NOTCH3: variants seen among roughly 807,000 people sequenced by gnomAD.
NOTCH3 encodes notch receptor 3.
In NOTCH3, 86 loss-of-function variants were observed where a neutral mutation model predicts 213.3. The ratio of observed to expected loss-of-function variants is 0.40; its 90% CI spans 0.34 to 0.48. NOTCH3 has a LOEUF of 0.48. Among genes scored for constraint, NOTCH3 ranks in the 20% least tolerant of loss-of-function variants. The probability of loss-of-function intolerance (pLI) is 0.57; values close to 1 mark genes in which losing one functional copy is unlikely to be tolerated. For synonymous variants in NOTCH3, 1,354 were observed against 1,355.9 expected (o/e 1.00, Z 0.03); for missense variants, 2,783 against 3,272.6 (o/e 0.85, Z 3.65).
chr19:15,188,025 C>CA (rs1568360000), intron 9 of NOTCH3, 31 bp from the exon 10 acceptor site: 1 of 1,515,454 alleles, frequency 6.6e-7, no homozygotes. Flanking sequence ...AGCAGAGGCC[C>CA]AGAAAGGGTG....
At chr19:15,170,271 C>A in intron 27 of NOTCH3, 60 bp downstream of exon 27, 1 of 1,550,494 alleles carries the variant, frequency 6.4e-7, no homozygotes, top group Non-Finnish European at 8.9e-7. Flanking sequence ...CAGGTCAAGG[C>A]GGGGTCCAGG....
intron 2 of NOTCH3, among the ~76,000 whole-genome samples, chr19:15,197,013 T>C (rs1176098597): frequency 1.3e-5 from 2 of 152,210 alleles, no homozygotes; most frequent in Non-Finnish European, 2.9e-5. Context: ...GGAAAGTGAC[T>C]AGCCCAAAGT....
Position 15,187,054 on chromosome 19 carries a change from C to A in NOTCH3, c.1840+51G>T, listed in dbSNP as rs776906070. 18 of 1,605,616 alleles carry A rather than the reference C, an allele frequency of 1.1e-5. No individual in the cohort carries two copies. The South Asian group carries it at 1.8e-4, about 16-fold the overall frequency. ...CCCCACTAGATGCACCATTCCCAAACCCTCTGTGCCCCTCCAGGTGTGCTG... is the reference window on the plus strand; with the variant it reads ...CCCCACTAGATGCACCATTCCCAAAACCTCTGTGCCCCTCCAGGTGTGCTG... On this transcript the variant is annotated intron_variant, in intron 11 of 32. Coordinates refer to ENST00000263388, the MANE Select transcript of NOTCH3 (RefSeq NM_000435.3).
chr19:15,166,759 G>C, intron 29 of NOTCH3, among the ~76,000 whole-genome samples: 1 of 152,254 alleles, frequency 6.6e-6, no homozygotes, highest in South Asian at 2.1e-4. Flanking sequence ...ACTTGCATCC[G>C]GTTCTCCATT....
chr19:15,180,982 G>GCGGGCA lies in NOTCH3; in HGVS notation c.2972_2973insTGCCCG (p.Ser991_Phe992insAlaArg). On this transcript the variant is annotated inframe_insertion, in exon 18 of 33. Coordinates refer to ENST00000263388, the MANE Select transcript of NOTCH3 (RefSeq NM_000435.3). The stretch of plus-strand genomic sequence containing the variant: ...CCACCTGGCACTGCGGGCCCGTGAA[G>GCGGGCA]CTCTCGAGGCAGGTGCAGCGGAAGC... 6.3e-7 allele frequency: 1 copy of GCGGGCA among 1,596,182 alleles called. No individual in the cohort carries two copies. The highest frequency in any genetic ancestry group is 8.5e-7 in the Non-Finnish European group (1 of 1,172,312).
intron 2 of NOTCH3, among the ~76,000 whole-genome samples, chr19:15,195,203 T>G (rs1007090692): frequency 6.6e-6 from 1 of 152,026 alleles, no homozygotes; most frequent in African/African-American, 2.4e-5. Flanking sequence ...TCTCTGGGAC[T>G]TATATAGCCT....
chr19:15,195,785 C>G (rs958116346), intron 2 of NOTCH3, among the ~76,000 whole-genome samples: 1 of 151,490 alleles, frequency 6.6e-6, no homozygotes, highest in Non-Finnish European at 1.5e-5. Context: ...GGGCGCGACC[C>G]GCGCGGGCCC....
chr19:15,190,976 C>T (rs1388569051), intron 6 of NOTCH3, among the ~76,000 whole-genome samples: 1 of 152,126 alleles, frequency 6.6e-6, no homozygotes, highest in Non-Finnish European at 1.5e-5. Flanking sequence ...CCATCTTGGC[C>T]TCCCAAAGTG....
chr19:15,169,760 G>A (rs977482639), intron 28 of NOTCH3, among the ~76,000 whole-genome samples: 5 of 152,128 alleles, frequency 3.3e-5, no homozygotes, highest in African/African-American at 4.8e-5. Flanking sequence ...AGGCAGACTC[G>A]CTCTCTGGGC....
chr19:15,161,492 G>A lies in NOTCH3; in HGVS notation c.6136C>T (p.Pro2046Ser), dbSNP rs1354320725. The A allele has an allele frequency of 5.7e-6, 9 of 1,586,100 alleles. No individual in the cohort carries two copies. The highest frequency in any genetic ancestry group is 7.7e-6 in the Non-Finnish European group (9 of 1,166,370). ...PHGLGPLLCP[P>S]GAFLPGLKAA... ...TTGAGGCCAGGGAGGAAGGCCCCTG[G>A]AGGACAGAGCAGAGGCCCCAGGCCG... The change falls in exon 33 of 33, where the codon CCA becomes TCA. Residue 2046 changes from proline (P) to serine (S), a missense_variant. Transcript: ENST00000263388.
intron 20 of NOTCH3, chr19:15,179,768 G>T (rs1265748916): frequency 1.4e-5 from 8 of 587,384 alleles, no homozygotes. Flanking sequence ...TGTACTCCCA[G>T]CTATAATGAG....
chr19:15,193,783 AAAAC>A (rs1568362654), intron 2 of NOTCH3, among the ~76,000 whole-genome samples: 3 of 136,928 alleles, frequency 2.2e-5, no homozygotes, highest in African/African-American at 5.3e-5. Flanking sequence ...AAAAAAACAA[AAAAC>A]AAAAAAAACA....
Position 15,185,139 on chromosome 19 carries a change from A to C in NOTCH3, c.2296+118T>G. The C allele has an allele frequency of 1.5e-6, 2 of 1,314,150 alleles. No homozygotes were observed. The highest frequency in any genetic ancestry group is 2.2e-6 in the Non-Finnish European group (2 of 928,184). The allele number at this position is 1,314,150 out of a possible 1,614,324, so 81.4% of individuals were successfully genotyped here. On this transcript the variant is annotated intron_variant, in intron 14 of 32. Coordinates refer to ENST00000263388, the MANE Select transcript of NOTCH3 (RefSeq NM_000435.3). This position sits in a 1 kb window ranked among gnomAD's most constrained non-coding sequence, Gnocchi z 4.2. The stretch of plus-strand genomic sequence containing the variant: ...TGATACCCACCTCCCAAGCTCCTGG[A>C]GGGAAATGATTGAAAGCAAAAAAGA...
rs2046870470 is a variant in NOTCH3 at position 15,185,128 on chromosome 19, C to T, written c.2297-109G>A. 1 of 1,387,618 alleles carries T rather than the reference C, an allele frequency of 7.2e-7. No individual in the cohort carries two copies. Among genetic ancestry groups the T allele is most frequent in the Non-Finnish European group, 1.0e-6 (1 of 998,658 alleles). The allele number at this position is 1,387,618 out of a possible 1,614,324, so 86.0% of individuals were successfully genotyped here. The stretch of plus-strand genomic sequence containing the variant: ...GGTCCCCACCTTGATACCCACCTCC[C>T]AAGCTCCTGGAGGGAAATGATTGAA... On this transcript the variant is annotated intron_variant, in intron 14 of 32. Coordinates refer to ENST00000263388, the MANE Select transcript of NOTCH3 (RefSeq NM_000435.3). The surrounding 1 kb of genome is among the most constrained non-coding windows in gnomAD (Gnocchi z 4.2).
chr19:15,175,579 ATATATG>A (rs1248900586), intron 24 of NOTCH3, among the ~76,000 whole-genome samples: 9 of 35,624 alleles, frequency 2.5e-4, no homozygotes, highest in African/African-American at 3.2e-4. Flanking sequence ...ATATATGTAT[ATATATG>A]TATATACACA....
Position 15,159,973 on chromosome 19 carries a change from G to A in NOTCH3, c.*689C>T, listed in dbSNP as rs889477629. On this transcript the variant is annotated 3_prime_UTR_variant, in exon 33 of 33. Coordinates refer to ENST00000263388, the MANE Select transcript of NOTCH3 (RefSeq NM_000435.3). ...GGAGTTGGCAGTGGGCCCTTCCCCA[G>A]CAAGGCTATGGAACATGTCCCATCT... is the stretch of plus-strand genomic sequence containing the variant. The A allele has an allele frequency of 5.1e-5, 12 of 233,466 alleles. No homozygotes were observed. In the Admixed American group the frequency reaches 5.6e-4, roughly 11 times the overall value. The allele number at this position is 233,466 out of a possible 1,614,324, so 14.5% of individuals were successfully genotyped here.
intron 24 of NOTCH3, among the ~76,000 whole-genome samples, chr19:15,177,071 TAAAAAAA>T (rs776950725): frequency 5.1e-5 from 4 of 79,144 alleles, no homozygotes; most frequent in Admixed American, 1.8e-4. Context: ...GACTCCGTCT[TAAAAAAA>T]AAAAAAAAAA....
rs369086257 is a variant in NOTCH3, at chr19:15,179,197, G to A, written c.3546C>T (p.Cys1182=). The A allele has an allele frequency of 1.7e-5, 27 of 1,613,960 alleles. No homozygotes were observed. Among genetic ancestry groups the A allele is most frequent in the African/African-American group, 2.7e-5 (2 of 74,942 alleles). ...SGPRCLHNGT[C]VDLVGGFRCT... is the part of the protein sequence containing the mutation. ...AGCGGAAACCACCCACCAGGTCCACGCAGGTGCCATTGTGTAGGCACCGGG... is the reference window on the plus strand; with the variant it reads ...AGCGGAAACCACCCACCAGGTCCACACAGGTGCCATTGTGTAGGCACCGGG... The change falls in exon 22 of 33, where the codon TGC becomes TGT. Residue 1182 remains cysteine, a synonymous_variant. Transcript: ENST00000263388.
Position 15,180,972 on chromosome 19 carries a change from G to C in NOTCH3, c.2983C>G (p.Pro995Ala). ...GTAACTCCACCCACCTGGCACTGCGGGCCCGTGAAGCTCTCGAGGCAGGTG... is the reference window on the plus strand; with the variant it reads ...GTAACTCCACCCACCTGGCACTGCGCGCCCGTGAAGCTCTCGAGGCAGGTG... ...RCTCLESFTG[P>A]QCQTLVDWCS... The change falls in exon 18 of 33, where the codon CCG becomes GCG. Residue 995 changes from proline (P) to alanine (A), a missense_variant. By Grantham distance (27) the Pro-to-Ala change is conservative (BLOSUM62 -1). Coordinates refer to ENST00000263388, the MANE Select transcript of NOTCH3 (RefSeq NM_000435.3). 6 of 1,592,922 alleles carry C rather than the reference G, an allele frequency of 3.8e-6. No individual in the cohort carries two copies. Among genetic ancestry groups the C allele is most frequent in the Non-Finnish European group, 5.1e-6 (6 of 1,170,654 alleles).
Sources: gnomAD v4.1 joint callset for allele counts (sites outside exome capture counted in the v4.1 genomes callset) on GRCh38, gnomAD v4.1.1 for gene constraint, Gnocchi (gnomAD v3.1) non-coding constraint, MANE v1.5 for transcripts, NCBI Gene and HGNC (gene_info 2026-07-23, HGNC 2026-07-21) for gene names.